GAS2: variants seen among roughly 807,000 people sequenced by gnomAD.
The protein encoded by GAS2 is growth arrest specific 2.
A neutral mutation model predicts 37.5 loss-of-function variants in GAS2; 20 were observed. The observed-to-expected ratio is 0.53, with a 90% confidence interval of 0.37 to 0.77. The LOEUF (loss-of-function observed/expected upper bound fraction) is 0.77. Among genes scored for constraint, GAS2 ranks in the 30% least tolerant of loss-of-function variants. GAS2 has a pLI of 0.00. For missense variants in GAS2, 336 were observed against 373.4 expected (o/e 0.90, Z 0.82); for synonymous variants, 144 against 132.2 (o/e 1.09, Z -0.61).
intron 7 of GAS2, among the ~76,000 whole-genome samples, chr11:22,760,733 T>G (rs560668307): frequency 6.6e-6 from 1 of 152,142 alleles, no homozygotes; most frequent in Non-Finnish European, 1.5e-5. Context: ...TAGAAAATAG[T>G]TTTTATTTGT....
upstream of GAS2, among the ~76,000 whole-genome samples, chr11:22,666,043 C>T (rs551383118): frequency 2.6e-5 from 4 of 152,332 alleles, no homozygotes; most frequent in Non-Finnish European, 5.9e-5. Context: ...AAGCGGTCCC[C>T]GCGCATTAGA....
chr11:22,747,888 C>T (rs1853497518), intron 5 of GAS2, among the ~76,000 whole-genome samples: 2 of 152,098 alleles, frequency 1.3e-5, no homozygotes, highest in Non-Finnish European at 2.9e-5. Flanking sequence ...AAAAACAAAA[C>T]ATCAAGAATA....
intron 7 of GAS2, among the ~76,000 whole-genome samples, chr11:22,773,237 G>A (rs140773616): frequency 3.0e-4 from 45 of 152,172 alleles, no homozygotes; most frequent in African/African-American, 1.0e-3. Context: ...CTGACTTTTG[G>A]TAAGGAGGCT....
intron 7 of GAS2, among the ~76,000 whole-genome samples, chr11:22,772,124 T>C (rs1855009979): frequency 6.6e-6 from 1 of 152,114 alleles, no homozygotes; most frequent in African/African-American, 2.4e-5. Flanking sequence ...ACATAACTTT[T>C]CTTGGAGCTG....
At chr11:22,669,149 T>C (rs1174253314) in intron 1 of GAS2, among the ~76,000 whole-genome samples, 5 of 152,210 alleles carry the variant, frequency 3.3e-5, no homozygotes, top group African/African-American at 4.8e-5. Flanking sequence ...AACTACATTA[T>C]AGTTAACTAA....
chr11:22,725,252 A>G (rs1019615556), intron 3 of GAS2, among the ~76,000 whole-genome samples: 1 of 152,048 alleles, frequency 6.6e-6, no homozygotes, highest in African/African-American at 2.4e-5. Flanking sequence ...AGAAAAGTCT[A>G]TCCAGGTTCA....
At chr11:22,779,919 G>T (rs7941772) in intron 7 of GAS2, among the ~76,000 whole-genome samples, 1 of 151,826 alleles carries the variant, frequency 6.6e-6, no homozygotes, top group Non-Finnish European at 1.5e-5. Context: ...CTGATCCCAA[G>T]CACCCTGTAA....
chr11:22,651,026 C>T (rs1348588998), intron 1 of GAS2, among the ~76,000 whole-genome samples: 2 of 152,192 alleles, frequency 1.3e-5, no homozygotes, highest in African/African-American at 4.8e-5. Flanking sequence ...TTGGTCTTTA[C>T]ATTTTGGCAT....
intron 1 of GAS2, 117 bp downstream of exon 1, chr11:22,667,016 G>A (rs188600297): frequency 3.3e-5 from 5 of 152,302 alleles, no homozygotes. Context: ...CGGGGGAGGG[G>A]AGAGGTCATT....
intron 7 of GAS2, among the ~76,000 whole-genome samples, chr11:22,779,606 G>A (rs909560338): frequency 2.0e-5 from 3 of 152,082 alleles, no homozygotes; most frequent in Admixed American, 1.3e-4. Context: ...GCTGAGACAG[G>A]AAAATTGCTT....
At chr11:22,643,091 T>A (rs1848649024) in intron 1 of GAS2, among the ~76,000 whole-genome samples, 1 of 151,988 alleles carries the variant, frequency 6.6e-6, no homozygotes, top group African/African-American at 2.4e-5. Flanking sequence ...TATAATAAAG[T>A]TCAAATAAAT....
chr11:22,626,977 G>C (rs1284303469), intron 1 of GAS2, among the ~76,000 whole-genome samples: 1 of 152,172 alleles, frequency 6.6e-6, no homozygotes, highest in African/African-American at 2.4e-5. Flanking sequence ...ATTTTTAGTA[G>C]AGATGGGATT....
chr11:22,789,701 A>G (rs1055378705), intron 7 of GAS2, among the ~76,000 whole-genome samples: 5 of 151,208 alleles, frequency 3.3e-5, no homozygotes, highest in African/African-American at 4.9e-5. Flanking sequence ...TCCTGACCTC[A>G]TGATCCGCCC....
intron 4 of GAS2, among the ~76,000 whole-genome samples, chr11:22,727,221 C>T (rs1204770239): frequency 1.3e-5 from 2 of 152,002 alleles, no homozygotes; most frequent in Admixed American, 1.3e-4. Context: ...GAACTAAAGG[C>T]TCATTTTTGC....
At chr11:22,658,718 G>T (rs1360470655) in intron 1 of GAS2, among the ~76,000 whole-genome samples, 1 of 152,126 alleles carries the variant, frequency 6.6e-6, no homozygotes, top group Non-Finnish European at 1.5e-5. Context: ...TGCTTTTTTA[G>T]AACATGGGCA....
chr11:22,700,302 C>T (rs768766040), intron 3 of GAS2, among the ~76,000 whole-genome samples: 2 of 152,108 alleles, frequency 1.3e-5, no homozygotes, highest in African/African-American at 2.4e-5. Context: ...ATACTGTTAT[C>T]CGTGGGTTTT....
At chr11:22,719,919 G>C (rs1350654570) in intron 3 of GAS2, among the ~76,000 whole-genome samples, 1 of 151,954 alleles carries the variant, frequency 6.6e-6, no homozygotes, top group Non-Finnish European at 1.5e-5. Context: ...CCATGGGCAG[G>C]TTTTTAGTAG....
At chr11:22,686,052 T>C (rs1849930300) in intron 3 of GAS2, among the ~76,000 whole-genome samples, 1 of 152,178 alleles carries the variant, frequency 6.6e-6, no homozygotes, top group African/African-American at 2.4e-5. Context: ...ATAAACTCAA[T>C]GAATCTGAAA....
chr11:22,664,969 G>A (rs1414782631), upstream of GAS2, among the ~76,000 whole-genome samples: 2 of 149,580 alleles, frequency 1.3e-5, no homozygotes, highest in African/African-American at 2.5e-5. Context: ...CTCTTTCTGA[G>A]AGACAGAGGA....
Sources: gnomAD v4.1 joint callset for allele counts (sites outside exome capture counted in the v4.1 genomes callset) on GRCh38, gnomAD v4.1.1 for gene constraint, MANE v1.5 for transcripts, NCBI Gene and HGNC (gene_info 2026-07-23, HGNC 2026-07-21) for gene names.